The following BUD13 variants were observed in gnomAD, a reference collection of about 807,000 sequenced individuals.
BUD13 encodes BUD13 homolog.
Under a neutral mutation model 62.5 loss-of-function variants are expected in BUD13, and 47 were observed. The ratio of observed to expected loss-of-function variants is 0.75; its 90% CI spans 0.60 to 0.96. The LOEUF (loss-of-function observed/expected upper bound fraction) is 0.96. Ranked by LOEUF, BUD13 falls within the 40% of genes least tolerant of loss-of-function variation. BUD13 has a pLI of 0.00. For synonymous variants in BUD13, 293 were observed against 280.1 expected, an observed-to-expected ratio of 1.05 and a Z score of -0.46; for missense variants, 821 against 790.9, an observed-to-expected ratio of 1.04 and a Z score of -0.46.
chr11:116,749,836 T>C (rs1308036036), intron 9 of BUD13, among the ~76,000 whole-genome samples: 2 of 151,992 alleles, frequency 1.3e-5, no homozygotes, highest in African/African-American at 4.8e-5. Flanking sequence ...AAGGCAATGA[T>C]AAAGAGGGAC....
intron 2 of BUD13, among the ~76,000 whole-genome samples, chr11:116,769,768 T>C (rs756152674): frequency 3.9e-5 from 6 of 152,110 alleles, no homozygotes; most frequent in Non-Finnish European, 7.4e-5. Context: ...TTTGAGAAGC[T>C]TGGCCTGGCA....
Position 116,759,234 on chromosome 11 carries a change from T to C in BUD13, c.1255-55A>G, listed in dbSNP as rs1940389182. 4 of 1,231,638 alleles carry C rather than the reference T, an allele frequency of 3.2e-6. No homozygotes were observed. In the African/African-American group the frequency reaches 4.4e-5, roughly 14 times the overall value. 76.3% of individuals were successfully genotyped at this position (1,231,638 alleles called of 1,614,324 possible). A position where few individuals can be genotyped will look rare whatever the true frequency, so the allele number is the denominator to read the frequency against. On this transcript the variant is annotated intron_variant, in intron 5 of 9. Transcript: ENST00000260210. ...TTAATGAGATGATGTGACAGTAGGC[T>C]CCATGGGTACACAGTTAGTTGCATT... is the stretch of plus-strand genomic sequence containing the variant.
In BUD13 at chr11:116,771,314, A is replaced by G. The variant is rs564386218; in HGVS notation, c.144-1092T>C. Among the ~76,000 whole-genome samples, 12 of 152,354 alleles carry G rather than the reference A, an allele frequency of 7.9e-5. No individual in the cohort carries two copies. The South Asian group carries it at 2.5e-3, about 32-fold the overall frequency. On this transcript the variant is annotated intron_variant, in intron 1 of 9. Coordinates refer to ENST00000260210, the MANE Select transcript of BUD13 (RefSeq NM_032725.4). ...TTCCCATTAATCTATAAGCTCCACA[A>G]GAACAGGGACTATGTTTTTTTTGTT...
At position 116,759,059 on chromosome 11, in the gene BUD13, C is replaced by T. The variant is rs1490663707; in HGVS notation, c.1360+15G>A. ...GTATGAGCCTAAATTGGTCTCTGCA[C>T]TTTCATATTTTTACCTTCAAATGCC... On this transcript the variant is annotated intron_variant, in intron 6 of 9. Coordinates refer to ENST00000260210, the MANE Select transcript of BUD13 (RefSeq NM_032725.4). 4 of 1,571,448 alleles carry T rather than the reference C, an allele frequency of 2.5e-6. No individual in the cohort carries two copies. Among genetic ancestry groups the T allele is most frequent in the South Asian group, 2.2e-5 (2 of 89,944 alleles).
chr11:116,767,696 G>T (rs1591302291), intron 2 of BUD13, among the ~76,000 whole-genome samples: 1 of 151,492 alleles, frequency 6.6e-6, no homozygotes, highest in South Asian at 2.1e-4. Flanking sequence ...CAATATTGGT[G>T]GGGCATGTGG....
At chr11:116,753,385 T>C (rs1467513052) in intron 9 of BUD13, among the ~76,000 whole-genome samples, 2 of 152,104 alleles carry the variant, frequency 1.3e-5, no homozygotes, top group Admixed American at 6.5e-5. Context: ...ATCAGGCCAA[T>C]TAAAAAAATG....
At chr11:116,761,041 G>A in intron 4 of BUD13, 89 bp from the exon 5 acceptor site, 1 of 1,023,822 alleles carries the variant, frequency 9.8e-7, no homozygotes. Context: ...GAAGAACCTA[G>A]AAATTAAAGA....
intron 9 of BUD13, among the ~76,000 whole-genome samples, chr11:116,752,045 G>A (rs180330): frequency 0.3 from 45,208 of 151,944 alleles, 7,148 homozygotes; most frequent in African/African-American, 0.37. Flanking sequence ...CCGGGTTCAC[G>A]CCATTCTCCT....
chr11:116,758,355 C>G lies in BUD13; in HGVS notation c.1413G>C (p.Arg471Ser). 6.2e-7 allele frequency: 1 copy of G among 1,614,132 alleles called. No individual in the cohort carries two copies. The highest frequency in any genetic ancestry group is 8.5e-7 in the Non-Finnish European group (1 of 1,180,022). The change falls in exon 7 of 10, where the codon AGG becomes AGC. Residue 471 changes from arginine to serine, a missense_variant. Coordinates refer to ENST00000260210, the MANE Select transcript of BUD13 (RefSeq NM_032725.4). ...GCTCTAAACGTTCGAGTTTCAAATT[C>G]CTCTTACGACCAGACTTATCTCGAA... ...TVFRDKSGRKRNLKLERLEQR... is the reference protein window; with the variant it reads ...TVFRDKSGRKSNLKLERLEQR...
rs117864209 is a variant in BUD13, at chr11:116,763,047, C to T, written c.542G>A (p.Arg181His). ...DSDTSPPRRIRHDSSDTSPPR... is the reference protein window; with the variant it reads ...DSDTSPPRRIHHDSSDTSPPR... ...GGGTGAAGTGTCTGAGGAGTCATGA[C>T]GGATCCTCCTGGGAGGAGATGTGTC... Residue 181 changes from arginine (R) to histidine (H), a missense_variant, in exon 4 of 10, where the codon CGT (arginine) becomes CAT (histidine). Physicochemically the swap from Arg to His is conservative, Grantham distance 29. This residue lies in a region of BUD13 where 800 missense variants were observed against 739.2 expected (regional missense o/e 1.08). Transcript: ENST00000260210. 717 of 1,612,944 alleles carry T rather than the reference C, an allele frequency of 4.4e-4. 2 individuals carry two copies. In the East Asian group the frequency reaches 5.5e-3, roughly 12 times the overall value.
intron 2 of BUD13, among the ~76,000 whole-genome samples, 155 bp downstream of exon 2, chr11:116,769,974 C>T (rs1940593976): frequency 6.6e-6 from 1 of 150,804 alleles, no homozygotes; most frequent in Admixed American, 6.7e-5. Context: ...GGAGAATCAT[C>T]TGAACCCGGG....
rs773881860 is a variant in BUD13 at position 116,757,240 on chromosome 11, G to T, written c.1685-13C>A. 3.1e-6 allele frequency: 5 copies of T among 1,607,070 alleles called. No individual in the cohort carries two copies. The East Asian group carries it at 1.1e-4, about 36-fold the overall frequency. Reference sequence around the variant, plus strand: ...TAGCGAGGTCTCACTAATGAGAGGAGTAAGAAAAAAGTATTCAGTTAATGA... The same window carrying T: ...TAGCGAGGTCTCACTAATGAGAGGATTAAGAAAAAAGTATTCAGTTAATGA... On this transcript the variant is annotated splice_polypyrimidine_tract_variant and intron_variant, in intron 8 of 9. Transcript: ENST00000260210.
chr11:116,759,213 T>C (rs1940388568), intron 5 of BUD13, 34 bp from the exon 6 acceptor site: 1 of 1,483,536 alleles, frequency 6.7e-7, no homozygotes, highest in African/African-American at 1.4e-5. Flanking sequence ...CCAACATTAA[T>C]GAGATGATGT....
At chr11:116,771,482 T>G (rs1940628495) in intron 1 of BUD13, among the ~76,000 whole-genome samples, 1 of 152,246 alleles carries the variant, frequency 6.6e-6, no homozygotes, top group South Asian at 2.1e-4. Context: ...CCAGGGTCAC[T>G]TAATGCAATC....
chr11:116,765,534 C>T (rs542424913), intron 2 of BUD13, 88 bp from the exon 3 acceptor site: 22 of 1,391,650 alleles, frequency 1.6e-5, no homozygotes, highest in African/African-American at 1.3e-4. Flanking sequence ...ACAACCATTC[C>T]GATTCCTAAC....
intron 7 of BUD13, 58 bp from the exon 8 acceptor site, chr11:116,758,008 C>G (rs528650732): frequency 2.0e-5 from 31 of 1,584,746 alleles, no homozygotes; most frequent in Middle Eastern, 2.1e-4. Flanking sequence ...CACTTCTACA[C>G]GAGATGGACC....
intron 7 of BUD13, 31 bp from the exon 8 acceptor site, chr11:116,757,981 A>T (rs901025631): frequency 6.8e-6 from 11 of 1,609,714 alleles, no homozygotes; most frequent in Non-Finnish European, 9.3e-6. Context: ...AGTGTTTGCT[A>T]TCCTGTATGA....
In BUD13 at chr11:116,765,391, C is replaced by T. The variant is rs180941480; in HGVS notation, c.293G>A (p.Arg98His). ...CAGAAGCTTCCATTTGGCACTGGAA[C>T]GAAAGGCCTCCATCTGCTTTACCTC... Reference protein sequence around the residue: ...PEEVKQMEAFRSSAKWKLLGG... With the variant: ...PEEVKQMEAFHSSAKWKLLGG... The change falls in exon 3 of 10, where the codon CGT becomes CAT. Residue 98 changes from arginine (R) to histidine (H), a missense_variant. This residue lies in a region of BUD13 where 800 missense variants were observed against 739.2 expected (regional missense o/e 1.08). Coordinates refer to ENST00000260210, the MANE Select transcript of BUD13 (RefSeq NM_032725.4). The T allele has an allele frequency of 3.0e-5, 49 of 1,613,986 alleles. No homozygotes were observed. The highest frequency in any genetic ancestry group is 1.7e-4 in the African/African-American group (13 of 74,916).
intron 6 of BUD13, among the ~76,000 whole-genome samples, chr11:116,758,853 A>T (rs1940379764): frequency 6.6e-6 from 1 of 152,098 alleles, no homozygotes; most frequent in Middle Eastern, 3.4e-3. Context: ...CGGCCTACCA[A>T]AGTGCTGGGA....
Sources: gnomAD v4.1 joint callset for allele counts (sites outside exome capture counted in the v4.1 genomes callset) on GRCh38, gnomAD v4.1.1 for gene constraint, gnomAD v4.1.1 regional missense constraint, MANE v1.5 for transcripts, NCBI Gene and HGNC (gene_info 2026-07-23, HGNC 2026-07-21) for gene names.